Variants in SLC2A13 observed in about 807,000 individuals in gnomAD.
SLC2A13 encodes the protein proton myo-inositol cotransporter.
A neutral mutation model predicts 64.4 loss-of-function variants in SLC2A13; 32 were observed. The observed-to-expected ratio is 0.50, with a 90% CI of 0.37 to 0.67. The LOEUF (loss-of-function observed/expected upper bound fraction) is 0.67. Among genes scored for constraint, SLC2A13 ranks in the 30% least tolerant of loss-of-function variants. The pLI, the probability that SLC2A13 is intolerant of heterozygous loss-of-function variation, is 0.00. For synonymous variants in SLC2A13, 338 were observed against 327.1 expected (o/e 1.03, Z -0.36); for missense variants, 743 against 829.2 (o/e 0.90, Z 1.28).
At chr12:39,811,228 A>C (rs1033284614) in intron 7 of SLC2A13, among the ~76,000 whole-genome samples, 1 of 152,008 alleles carries the variant, frequency 6.6e-6, no homozygotes, top group African/African-American at 2.4e-5. Context: ...GCTATGACTT[A>C]ATCTGCTTTT....
chr12:39,935,190 G>T (rs1565549876), intron 4 of SLC2A13, among the ~76,000 whole-genome samples: 1 of 152,126 alleles, frequency 6.6e-6, no homozygotes, highest in African/African-American at 2.4e-5. Flanking sequence ...AGGAGTTTAA[G>T]ACCTGCCTGG....
chr12:39,902,185 A>C (rs1388779844), intron 4 of SLC2A13, among the ~76,000 whole-genome samples: 3 of 114,792 alleles, frequency 2.6e-5, no homozygotes, highest in Non-Finnish European at 5.2e-5. Context: ...CACTCTGGGG[A>C]CTGTTGTGGG....
intron 3 of SLC2A13, among the ~76,000 whole-genome samples, chr12:39,978,755 C>T (rs983603098): frequency 6.6e-6 from 1 of 152,140 alleles, no homozygotes; most frequent in African/African-American, 2.4e-5. Flanking sequence ...GAGAGGCGCC[C>T]GCCATTGCCC....
chr12:39,899,906 T>A (rs1945038361), intron 4 of SLC2A13, among the ~76,000 whole-genome samples: 2 of 152,078 alleles, frequency 1.3e-5, no homozygotes, highest in African/African-American at 4.8e-5. Flanking sequence ...TCCAACTATG[T>A]GGTCAATTTT....
At chr12:39,875,380 GTGA>G (rs1944156824) in intron 4 of SLC2A13, among the ~76,000 whole-genome samples, 1 of 152,136 alleles carries the variant, frequency 6.6e-6, no homozygotes, top group African/African-American at 2.4e-5. Flanking sequence ...TGCCTCCCTT[GTGA>G]CTATATTGGC....
At chr12:39,807,891 T>C (rs1942028797) in intron 7 of SLC2A13, among the ~76,000 whole-genome samples, 1 of 151,952 alleles carries the variant, frequency 6.6e-6, no homozygotes, top group Non-Finnish European at 1.5e-5. Flanking sequence ...TAAAGTAGAA[T>C]TAGTCTGCCC....
At chr12:39,870,409 T>C (rs1160094238) in intron 5 of SLC2A13, among the ~76,000 whole-genome samples, 1 of 152,214 alleles carries the variant, frequency 6.6e-6, no homozygotes, top group African/African-American at 2.4e-5. Context: ...GAGAGTTTAC[T>C]ATCCTAATGA....
At chr12:39,795,057 G>C (rs1941529934) in intron 7 of SLC2A13, among the ~76,000 whole-genome samples, 1 of 152,034 alleles carries the variant, frequency 6.6e-6, no homozygotes, top group African/African-American at 2.4e-5. Flanking sequence ...AAAGCCATGG[G>C]TTCAAAAATT....
chr12:40,101,461 C>T (rs1242924496), intron 1 of SLC2A13, among the ~76,000 whole-genome samples: 1 of 152,138 alleles, frequency 6.6e-6, no homozygotes, highest in Non-Finnish European at 1.5e-5. Context: ...ATGCTTTACC[C>T]ATCCTGTAGT....
chr12:39,798,169 C>A (rs945156369), intron 7 of SLC2A13, among the ~76,000 whole-genome samples: 2 of 152,166 alleles, frequency 1.3e-5, no homozygotes, highest in African/African-American at 2.4e-5. Flanking sequence ...GCCTGTCGGA[C>A]AACAACCAGC....
At chr12:39,979,285 C>A (rs1474999035) in intron 3 of SLC2A13, among the ~76,000 whole-genome samples, 1 of 143,462 alleles carries the variant, frequency 7.0e-6, no homozygotes, top group South Asian at 2.4e-4. Flanking sequence ...TCCAAAGGAA[C>A]GCAGTTCCTC....
intron 1 of SLC2A13, among the ~76,000 whole-genome samples, chr12:40,101,033 G>A (rs1202266968): frequency 8.2e-5 from 12 of 146,540 alleles, no homozygotes; most frequent in African/African-American, 2.0e-4. Flanking sequence ...GATGGAAAAC[G>A]TATGTCCTAT....
intron 2 of SLC2A13, among the ~76,000 whole-genome samples, chr12:40,045,065 G>A (rs1428552137): frequency 6.6e-6 from 1 of 152,068 alleles, no homozygotes; most frequent in Non-Finnish European, 1.5e-5. Flanking sequence ...CAAGATTTTG[G>A]TTAGGATCAA....
intron 3 of SLC2A13, among the ~76,000 whole-genome samples, chr12:39,975,710 G>A (rs1946745564): frequency 6.6e-6 from 1 of 152,218 alleles, no homozygotes; most frequent in South Asian, 2.1e-4. Context: ...CAGAATAGCT[G>A]TCCAAACTTC....
At chr12:40,005,543 G>A (rs1419288560) in intron 3 of SLC2A13, among the ~76,000 whole-genome samples, 1 of 152,148 alleles carries the variant, frequency 6.6e-6, no homozygotes, top group Non-Finnish European at 1.5e-5. Flanking sequence ...ATCTGAAGTG[G>A]TTCTCAAAGG....
chr12:40,011,615 C>A (rs138185212), intron 3 of SLC2A13, among the ~76,000 whole-genome samples: 2 of 152,180 alleles, frequency 1.3e-5, no homozygotes, highest in South Asian at 2.1e-4. Context: ...AGCACAGGAC[C>A]CAATAGGTCG....
intron 7 of SLC2A13, among the ~76,000 whole-genome samples, chr12:39,799,684 G>T (rs1941715474): frequency 6.6e-6 from 1 of 152,146 alleles, no homozygotes; most frequent in South Asian, 2.1e-4. Flanking sequence ...CAATTCAAAT[G>T]GTAGAGAATG....
At chr12:39,783,332 C>G (rs1027381107) in intron 7 of SLC2A13, among the ~76,000 whole-genome samples, 1 of 152,170 alleles carries the variant, frequency 6.6e-6, no homozygotes, top group African/African-American at 2.4e-5. Flanking sequence ...AATAAACATA[C>G]GTGTGCATGT....
intron 3 of SLC2A13, among the ~76,000 whole-genome samples, chr12:39,995,621 G>A (rs905874404): frequency 5.3e-5 from 8 of 152,286 alleles, no homozygotes; most frequent in African/African-American, 1.4e-4. Context: ...CTCAAATATT[G>A]TTGTTTTTGT....
Sources: allele counts gnomAD v4.1 joint callset (sites outside exome capture counted in the v4.1 genomes callset), GRCh38; gene constraint gnomAD v4.1.1; transcripts MANE v1.5; gene names NCBI Gene and HGNC (gene_info 2026-07-23, HGNC 2026-07-21).